Variants in FUT8 observed in about 807,000 individuals in gnomAD.
The protein encoded by FUT8 is alpha-(1,6)-fucosyltransferase.
FUT8 carries 29 observed loss-of-function variants against 71.3 expected under a neutral mutation model. That is an observed-to-expected ratio of 0.41 (90% CI 0.30 to 0.55). FUT8 has a LOEUF of 0.55. Among genes scored for constraint, FUT8 ranks in the 20% least tolerant of loss-of-function variants. FUT8 has a pLI of 0.34. For synonymous variants in FUT8, 254 were observed against 239.3 expected (o/e 1.06, Z -0.57); for missense variants, 544 against 702.1 (o/e 0.77, Z 2.55).
At chr14:65,688,776 A>G (rs1893429912) in intron 7 of FUT8, among the ~76,000 whole-genome samples, 2 of 152,194 alleles carry the variant, frequency 1.3e-5, no homozygotes, top group Admixed American at 1.3e-4. Context: ...GCTTTGTAAG[A>G]AACTGCCAAA....
At chr14:65,714,890 T>C (rs1894977398) in intron 7 of FUT8, among the ~76,000 whole-genome samples, 1 of 152,054 alleles carries the variant, frequency 6.6e-6, no homozygotes, top group African/African-American at 2.4e-5. Context: ...GGTTGTTCAC[T>C]GTTGACATAT....
At position 65,742,257 on chromosome 14, in the gene FUT8, T is replaced by A. The variant is rs1051175317; in HGVS notation, c.1575T>A (p.Pro525=). 6.2e-7 allele frequency: 1 copy of A among 1,612,886 alleles called. No homozygotes were observed. The highest frequency in any genetic ancestry group is 1.3e-5 in the African/African-American group (1 of 74,806). ...CTGCAGATGAAATTCCCATGGAACC[T>A]GGAGATATCATTGGTGTGGCTGGAA... ...PRTADEIPME[P]GDIIGVAGNH... is the part of the protein sequence containing the mutation. The change falls in exon 11 of 11, where the codon CCT becomes CCA. Residue 525 remains proline, a synonymous_variant. Coordinates refer to ENST00000673929, the MANE Select transcript of FUT8 (RefSeq NM_001371533.1).
chr14:65,620,753 T>C (rs1889566589), intron 5 of FUT8, among the ~76,000 whole-genome samples: 1 of 152,248 alleles, frequency 6.6e-6, no homozygotes, highest in Non-Finnish European at 1.5e-5. Flanking sequence ...TTGAGACTTA[T>C]ATTAAGCTGG....
rs1464901304 is a variant in FUT8, at chr14:65,585,766, G to A, written c.203+24000G>A. On this transcript the variant is annotated intron_variant, in intron 3 of 10. Transcript: ENST00000673929. ...CGTAGTTTCCTTCGGAAATATTGGCGTTTGATTTCCTCAAAGCTGACACAA... is the reference window on the plus strand; with the variant it reads ...CGTAGTTTCCTTCGGAAATATTGGCATTTGATTTCCTCAAAGCTGACACAA... 2.0e-5 allele frequency among the ~76,000 whole-genome samples: 3 copies of A among 152,206 alleles called. No individual in the cohort carries two copies. In the South Asian group the frequency reaches 6.2e-4, roughly 32 times the overall value.
At chr14:65,598,415 G>A (rs574764857) in intron 3 of FUT8, among the ~76,000 whole-genome samples, 7 of 152,196 alleles carry the variant, frequency 4.6e-5, no homozygotes, top group African/African-American at 1.4e-4. Flanking sequence ...TAGAGACGGG[G>A]TTTCGCCATA....
At chr14:65,653,439 T>C (rs1429549765) in intron 6 of FUT8, among the ~76,000 whole-genome samples, 1 of 152,128 alleles carries the variant, frequency 6.6e-6, no homozygotes, top group Non-Finnish European at 1.5e-5. Context: ...AAATGCCTTA[T>C]TTTGAAGAAA....
At chr14:65,549,413 A>G (rs1885158572) in intron 2 of FUT8, among the ~76,000 whole-genome samples, 2 of 151,226 alleles carry the variant, frequency 1.3e-5, no homozygotes, top group Non-Finnish European at 2.9e-5. Flanking sequence ...GTTACCATGT[A>G]TGGTTTACCC....
chr14:65,633,272 C>T (rs1378243087), intron 6 of FUT8, among the ~76,000 whole-genome samples: 6 of 152,224 alleles, frequency 3.9e-5, no homozygotes, highest in Admixed American at 2.0e-4. Flanking sequence ...CCGCCAGCCT[C>T]GGCCTCCTGA....
chr14:65,714,582 T>C (rs993216977), intron 7 of FUT8, among the ~76,000 whole-genome samples: 1 of 152,042 alleles, frequency 6.6e-6, no homozygotes, highest in African/African-American at 2.4e-5. Flanking sequence ...CACATCCCCA[T>C]TTAAGTTTTA....
chr14:65,569,134 A>AC (rs1354707872), intron 3 of FUT8, among the ~76,000 whole-genome samples: 3 of 150,474 alleles, frequency 2.0e-5, no homozygotes, highest in African/African-American at 7.3e-5. Context: ...GGCTGAGTTT[A>AC]CTTTTTTTTT....
At chr14:65,566,153 C>T (rs996031325) in intron 3 of FUT8, among the ~76,000 whole-genome samples, 4 of 151,770 alleles carry the variant, frequency 2.6e-5, no homozygotes, top group Non-Finnish European at 4.4e-5. Flanking sequence ...GCAATTAGGT[C>T]GACCATTAAC....
intron 2 of FUT8, among the ~76,000 whole-genome samples, chr14:65,542,010 T>A (rs1884704246): frequency 6.6e-6 from 1 of 152,196 alleles, no homozygotes; most frequent in African/African-American, 2.4e-5. Context: ...TTGGGGAAGT[T>A]ATTTAAATTC....
chr14:65,429,225 T>C (rs183403772), intron 1 of FUT8, among the ~76,000 whole-genome samples: 1 of 152,276 alleles, frequency 6.6e-6, no homozygotes, highest in Admixed American at 6.5e-5. Context: ...AATCAATAAT[T>C]TGACTTTTAG....
chr14:65,539,210 G>A (rs972849324), intron 2 of FUT8, among the ~76,000 whole-genome samples: 10 of 152,174 alleles, frequency 6.6e-5, no homozygotes, highest in Non-Finnish European at 1.3e-4. Flanking sequence ...CAATATGGAT[G>A]TACACTGTAT....
the FUT8 span, among the ~76,000 whole-genome samples, chr14:65,361,727 C>T: frequency 3.3e-5 from 5 of 151,708 alleles, no homozygotes; most frequent in African/African-American, 1.2e-4. Context: ...GTGGAAGTTG[C>T]AGTGAGCAGA....
chr14:65,487,736 T>G (rs1275549134), intron 2 of FUT8, among the ~76,000 whole-genome samples: 1 of 152,162 alleles, frequency 6.6e-6, no homozygotes, highest in Non-Finnish European at 1.5e-5. Context: ...TGGAAGGCGC[T>G]GTCTTTGTGA....
intron 1 of FUT8, among the ~76,000 whole-genome samples, chr14:65,424,745 C>G (rs1340062950): frequency 6.6e-6 from 1 of 152,088 alleles, no homozygotes; most frequent in Non-Finnish European, 1.5e-5. Flanking sequence ...ACTGCAACCT[C>G]TGCCTTCTGA....
chr14:65,525,777 G>T (rs1464129357), intron 2 of FUT8, among the ~76,000 whole-genome samples: 2 of 152,134 alleles, frequency 1.3e-5, no homozygotes, highest in African/African-American at 2.4e-5. Flanking sequence ...GTTATTACTG[G>T]TTTCAAAGAA....
At chr14:65,732,786 A>G (rs1191835510) in intron 9 of FUT8, among the ~76,000 whole-genome samples, 1 of 152,208 alleles carries the variant, frequency 6.6e-6, no homozygotes, top group East Asian at 1.9e-4. Context: ...TCAATGAAGA[A>G]GACATTTACA....
Sources: gnomAD v4.1 joint callset for allele counts (sites outside exome capture counted in the v4.1 genomes callset) on GRCh38, gnomAD v4.1.1 for gene constraint, MANE v1.5 for transcripts, NCBI Gene and HGNC (gene_info 2026-07-23, HGNC 2026-07-21) for gene names.